LARGE1: variants seen among roughly 807,000 people sequenced by gnomAD.
The protein encoded by LARGE1 is LARGE xylosyl- and glucuronyltransferase 1.
LARGE1 carries 43 observed loss-of-function variants against 87.6 expected under a neutral mutation model. The observed-to-expected ratio is 0.49, with a 90% CI of 0.38 to 0.63. LARGE1 has a LOEUF of 0.63. Among genes scored for constraint, LARGE1 ranks in the 30% least tolerant of loss-of-function variants. The pLI, the probability that LARGE1 is intolerant of heterozygous loss-of-function variation, is 0.00. For synonymous variants in LARGE1, 434 were observed against 394.6 expected (o/e 1.10, Z -1.18); for missense variants, 802 against 1,000.2 (o/e 0.80, Z 2.67).
the LARGE1 span, among the ~76,000 whole-genome samples, chr22:33,128,504 G>A: frequency 2.0e-5 from 3 of 151,970 alleles, no homozygotes; most frequent in African/African-American, 4.8e-5. Flanking sequence ...GTGAAACCAC[G>A]TCTCTATTAA....
rs186841302 is a variant in LARGE1 at position 33,828,991 on chromosome 22, G to A, written c.-82-67433C>T. On this transcript the variant is annotated intron_variant, in intron 1 of 14. Transcript: ENST00000397394. ...AATGCTACTTTCTCAGAGATGCTTT[G>A]TGAAGTCTCTTTTTCTTTTTTTTTT... Among the ~76,000 whole-genome samples the A allele has an allele frequency of 7.5e-4, 108 of 144,560 alleles. No homozygotes were observed. In the East Asian group the frequency reaches 0.02, roughly 27 times the overall value. The allele number at this position is 144,560 out of a possible 152,430, so 94.8% of individuals were successfully genotyped here. A position where few individuals can be genotyped will look rare whatever the true frequency, so the allele number is the denominator to read the frequency against.
chr22:33,524,962 A>G (rs16992483), intron 6 of LARGE1, among the ~76,000 whole-genome samples: 4,357 of 152,312 alleles, frequency 0.029, 83 homozygotes, highest in South Asian at 0.077. Flanking sequence ...CTGAAATCCA[A>G]TAAGGTTGCC....
chr22:33,337,525 G>T, intron 10 of LARGE1, 121 bp downstream of exon 10: 1 of 1,167,488 alleles, frequency 8.6e-7, no homozygotes, highest in Non-Finnish European at 1.2e-6. Context: ...CCTGGGCACC[G>T]ATGGCGTTGT....
At chr22:33,390,812 G>C (rs1446214823) in intron 7 of LARGE1, among the ~76,000 whole-genome samples, 3 of 151,640 alleles carry the variant, frequency 2.0e-5, no homozygotes, top group African/African-American at 7.3e-5. Context: ...TTGTGCCTCA[G>C]CCTCCTGAGT....
intron 11 of LARGE1, among the ~76,000 whole-genome samples, chr22:33,310,308 T>C (rs1222371305): frequency 1.3e-5 from 2 of 152,158 alleles, no homozygotes; most frequent in African/African-American, 4.8e-5. Context: ...CCCGCAACTG[T>C]AGTCAACACT....
intron 2 of LARGE1, chr22:33,733,395 C>T (rs909610740): frequency 2.6e-5 from 4 of 152,202 alleles, no homozygotes; most frequent in Non-Finnish European, 4.4e-5. Context: ...GCAACACACT[C>T]GGCAGCTCAA....
At chr22:33,588,510 CGTGTGT>C (rs10528247) in intron 5 of LARGE1, among the ~76,000 whole-genome samples, 98 of 150,570 alleles carry the variant, frequency 6.5e-4, no homozygotes, top group African/African-American at 1.7e-3. Context: ...TATATGTGTG[CGTGTGT>C]GTGTGTGTGT....
chr22:33,541,081 GCA>G (rs2077189250), intron 6 of LARGE1, among the ~76,000 whole-genome samples: 7 of 97,400 alleles, frequency 7.2e-5, no homozygotes, highest in Non-Finnish European at 1.3e-4. Context: ...GGGGCGGGTT[GCA>G]GGGGGAGAAT....
intron 2 of LARGE1, among the ~76,000 whole-genome samples, chr22:33,662,076 C>CAA (rs34470280): frequency 0.07 from 3,606 of 51,528 alleles, 37 homozygotes; most frequent in African/African-American, 0.081. Context: ...GCTTAGGAGC[C>CAA]AAAAAAAAAA....
At chr22:33,725,132 C>T (rs980985607) in intron 2 of LARGE1, 4 of 153,470 alleles carry the variant, frequency 2.6e-5, no homozygotes, top group South Asian at 4.1e-4. Flanking sequence ...GGGTGGGGGC[C>T]GCGGGAGGCA....
At chr22:33,128,085 T>G in the LARGE1 span, among the ~76,000 whole-genome samples, 1 of 152,212 alleles carries the variant, frequency 6.6e-6, no homozygotes. Flanking sequence ...TTAAATTATT[T>G]TTCTTTATTC....
rs1299997578 is a variant in LARGE1 at position 33,650,353 on chromosome 22, C to CAG, written c.408+12_408+13dup. 1 of 1,614,032 alleles carries CAG rather than the reference C, an allele frequency of 6.2e-7. No homozygotes were observed. Among genetic ancestry groups the CAG allele is most frequent in the East Asian group, 2.2e-5 (1 of 44,890 alleles). On this transcript the variant is annotated intron_variant, in intron 3 of 14. Transcript: ENST00000397394. Reference sequence around the variant, plus strand: ...TTTGGACAACTTCCTCCCCAGGCTCCAGATGCCCTTTACCTCGCATTTCTC... The same window carrying CAG: ...TTTGGACAACTTCCTCCCCAGGCTCCAGAGATGCCCTTTACCTCGCATTTCTC...
chr22:33,465,849 T>C (rs1601962435), intron 6 of LARGE1, among the ~76,000 whole-genome samples: 1 of 152,210 alleles, frequency 6.6e-6, no homozygotes, highest in East Asian at 1.9e-4. Context: ...CTCTCACCAA[T>C]GGCATCCCTA....
chr22:33,810,842 G>A (rs2146170866), intron 1 of LARGE1, among the ~76,000 whole-genome samples: 1 of 152,008 alleles, frequency 6.6e-6, no homozygotes, highest in East Asian at 1.9e-4. Context: ...CCCTGCCTCA[G>A]TCTCCCAAGT....
intron 2 of LARGE1, among the ~76,000 whole-genome samples, chr22:33,722,345 A>AGAGGGAGGGGAGG (rs2083133076): frequency 1.0e-5 from 1 of 95,882 alleles, no homozygotes; most frequent in Non-Finnish European, 2.3e-5. Flanking sequence ...GGGAGAGGAG[A>AGAGGGAGGGGAGG]GGAGGGAGAG....
chr22:33,801,202 A>G (rs766516468), intron 1 of LARGE1, among the ~76,000 whole-genome samples: 59 of 152,154 alleles, frequency 3.9e-4, no homozygotes, highest in Non-Finnish European at 1.3e-4. Context: ...GTGGTACTGT[A>G]AGTCCAATTA....
chr22:33,091,541 C>A, the LARGE1 span, among the ~76,000 whole-genome samples: 3 of 149,700 alleles, frequency 2.0e-5, no homozygotes, highest in South Asian at 6.4e-4. Context: ...GCCTGGGTGA[C>A]AAAGCAAGAC....
intron 1 of LARGE1, among the ~76,000 whole-genome samples, chr22:33,840,447 T>C (rs1397975836): frequency 1.3e-5 from 2 of 152,210 alleles, no homozygotes; most frequent in Admixed American, 6.5e-5. Flanking sequence ...AGTAATATAG[T>C]TTAATCTCTA....
At chr22:33,763,643 C>A (rs964814024) in intron 1 of LARGE1, among the ~76,000 whole-genome samples, 1 of 152,090 alleles carries the variant, frequency 6.6e-6, no homozygotes, top group Non-Finnish European at 1.5e-5. Flanking sequence ...TGGCTGTGAC[C>A]TTGACCAAGT....
Sources: gnomAD v4.1 joint callset for allele counts (sites outside exome capture counted in the v4.1 genomes callset) on GRCh38, gnomAD v4.1.1 for gene constraint, MANE v1.5 for transcripts, NCBI Gene and HGNC (gene_info 2026-07-23, HGNC 2026-07-21) for gene names.